Variants in PITRM1 observed in about 807,000 individuals in gnomAD.
PITRM1 encodes the protein presequence protease, mitochondrial.
A neutral mutation model predicts 129.9 loss-of-function variants in PITRM1; 100 were observed. The observed-to-expected ratio is 0.77, with a 90% CI of 0.65 to 0.91. PITRM1 has a LOEUF of 0.91. Among genes scored for constraint, PITRM1 ranks in the 40% least tolerant of loss-of-function variants. The probability of loss-of-function intolerance (pLI) is 0.00; values close to 1 mark genes in which losing one functional copy is unlikely to be tolerated. For synonymous variants in PITRM1, 591 were observed against 508.8 expected (o/e 1.16, Z -2.17); for missense variants, 1,471 against 1,318.3 (o/e 1.12, Z -1.79).
At chr10:3,168,593 C>T (rs925654175) in intron 2 of PITRM1, among the ~76,000 whole-genome samples, 7 of 147,098 alleles carry the variant, frequency 4.8e-5, no homozygotes, top group African/African-American at 1.9e-4. Flanking sequence ...AGGGCGGTTT[C>T]CTCCATGTTA....
At chr10:3,161,864 AAG>A (rs71903677) in intron 7 of PITRM1, among the ~76,000 whole-genome samples, 30,507 of 143,166 alleles carry the variant, frequency 0.21, 3,754 homozygotes, top group Non-Finnish European at 0.3. Flanking sequence ...AAAAAAAAAA[AAG>A]AAGAAAAGAA....
chr10:3,153,255 C>G (rs1841674021), intron 14 of PITRM1, among the ~76,000 whole-genome samples: 1 of 152,224 alleles, frequency 6.6e-6, no homozygotes, highest in African/African-American at 2.4e-5. Flanking sequence ...TAAAGCACAG[C>G]TCTGAGGCCA....
chr10:3,138,779 T>C (rs1477064992), intron 25 of PITRM1, 125 bp downstream of exon 25: 2 of 897,240 alleles, frequency 2.2e-6, no homozygotes. Context: ...GTGGAAATCG[T>C]ATCACAAGCA....
At chr10:3,151,434 G>T in intron 14 of PITRM1, 71 bp from the exon 15 acceptor site, 2 of 920,326 alleles carry the variant, frequency 2.2e-6, no homozygotes, top group South Asian at 1.4e-5. Flanking sequence ...TGTCTCCTAT[G>T]TTATTATCTT....
At chr10:3,163,482 C>G (rs1298215990) in intron 7 of PITRM1, 2 of 322,822 alleles carry the variant, frequency 6.2e-6, no homozygotes, top group Non-Finnish European at 1.1e-5. Flanking sequence ...CCAGGACCCT[C>G]CTCTGGGGGA....
chr10:3,163,637 G>T (rs1166561165), intron 7 of PITRM1, 88 bp downstream of exon 7: 2 of 1,112,818 alleles, frequency 1.8e-6, no homozygotes, highest in Non-Finnish European at 2.6e-6. Context: ...ATTGCTAAAT[G>T]TGAGAGAAGC....
At chr10:3,149,886 T>C (rs1841332599) in intron 15 of PITRM1, 133 bp from the exon 16 acceptor site, 2 of 943,380 alleles carry the variant, frequency 2.1e-6, no homozygotes, top group Admixed American at 2.4e-5. Context: ...TTTATATAAA[T>C]TTCCCAATCA....
Position 3,137,933 on chromosome 10 carries a change from A to G in PITRM1, c.*98T>C. The stretch of plus-strand genomic sequence containing the variant: ...AAGGGCTTTGGCGACACTCAATGAC[A>G]TAATATTCTTGGAAAAAGCAGTAGC... On this transcript the variant is annotated 3_prime_UTR_variant, in exon 27 of 27. Coordinates refer to ENST00000224949, the MANE Select transcript of PITRM1 (RefSeq NM_014889.4). 2 of 734,614 alleles carry G rather than the reference A, an allele frequency of 2.7e-6. No individual in the cohort carries two copies. The highest frequency in any genetic ancestry group is 1.8e-5 in the South Asian group (1 of 56,900). 45.5% of individuals were successfully genotyped at this position (734,614 alleles called of 1,614,324 possible).
intron 6 of PITRM1, among the ~76,000 whole-genome samples, chr10:3,164,544 T>A (rs1031836764): frequency 1.3e-5 from 2 of 152,182 alleles, no homozygotes; most frequent in Admixed American, 1.3e-4. Context: ...AGGACATAAA[T>A]AACTCCCACA....
chr10:3,150,521 C>T (rs116122531), intron 15 of PITRM1, among the ~76,000 whole-genome samples: 1,751 of 152,222 alleles, frequency 0.012, 22 homozygotes, highest in Middle Eastern at 0.058. Context: ...AAATCCCATC[C>T]CCGTCCTCAA....
intron 22 of PITRM1, 71 bp downstream of exon 22, chr10:3,144,221 C>A: frequency 2.4e-6 from 2 of 842,022 alleles, no homozygotes; most frequent in East Asian, 2.7e-5. Context: ...AACATTCGAA[C>A]ATCAGTGGCA....
intron 11 of PITRM1, 97 bp downstream of exon 11, chr10:3,157,943 G>T: frequency 1.3e-6 from 1 of 766,988 alleles, no homozygotes. Flanking sequence ...ATATGACAGA[G>T]AAGGAAGGCC....
chr10:3,171,537 G>A (rs531617116), intron 1 of PITRM1, among the ~76,000 whole-genome samples: 3 of 152,156 alleles, frequency 2.0e-5, no homozygotes, highest in African/African-American at 4.8e-5. Flanking sequence ...TCCACCTCCC[G>A]GGTTCAAGCA....
Position 3,166,375 on chromosome 10 carries a change from T to TGCACGCTAAGGAAGAGAGAGGAATG in PITRM1, c.271_272insCATTCCTCTCTCTTCCTTAGCGTGC (p.Gln91ProfsTer7). 7.1e-6 allele frequency: 10 copies of TGCACGCTAAGGAAGAGAGAGGAATG among 1,413,890 alleles called. No individual in the cohort carries two copies. The highest frequency in any genetic ancestry group is 2.9e-5 in the African/African-American group (2 of 68,338). The allele number at this position is 1,413,890 out of a possible 1,614,324, so 87.6% of individuals were successfully genotyped here. A position where few individuals can be genotyped will look rare whatever the true frequency, so the allele number is the denominator to read the frequency against. On this transcript the variant is annotated stop_gained and frameshift_variant, in exon 4 of 27. Coordinates refer to ENST00000224949, the MANE Select transcript of PITRM1 (RefSeq NM_014889.4). LOFTEE classifies it high-confidence loss of function. ...ACTGTCCATGGGAGTAGTACGGAAC[T>TGCACGCTAAGGAAGAGAGAGGAATG]GCACGCTAGGGAAGGAGAATGACCA...
chr10:3,170,137 T>C lies in PITRM1; in HGVS notation c.126A>G (p.Leu42=), dbSNP rs1238838855. 6.2e-7 allele frequency: 1 copy of C among 1,613,740 alleles called. No homozygotes were observed. The highest frequency in any genetic ancestry group is 1.3e-5 in the African/African-American group (1 of 74,918). ...RACERALQYK[L]GDKIHGFTVN... is the part of the protein sequence containing the mutation. ...CGGTGAATCCATGGATCTTGTCTCC[T>C]AGTTTATACTGCAGAGCCCTCTCAC... The change falls in exon 2 of 27, where the codon CTA becomes CTG. Residue 42 remains leucine, a synonymous_variant. Transcript: ENST00000224949.
chr10:3,172,316 C>CT lies in PITRM1; in HGVS notation c.56+400dup, dbSNP rs1015687474. On this transcript the variant is annotated intron_variant, in intron 1 of 26. Transcript: ENST00000224949. ...CGTCAGTTCTCTGAACACAGCGAGA[C>CT]TTTAAGTATGGGCTGTGGGCGCCTC... The CT allele has an allele frequency of 7.4e-5, 37 of 498,856 alleles. 1 individual carries two copies. The highest frequency in any genetic ancestry group is 1.3e-4 in the Non-Finnish European group (34 of 255,926). The allele number at this position is 498,856 out of a possible 1,614,324, so 30.9% of individuals were successfully genotyped here. A position where few individuals can be genotyped will look rare whatever the true frequency, so the allele number is the denominator to read the frequency against.
intron 22 of PITRM1, chr10:3,143,798 T>C: frequency 3.2e-6 from 2 of 630,410 alleles, no homozygotes; most frequent in Non-Finnish European, 6.0e-6. Flanking sequence ...AAACATTTCA[T>C]TCTACGCCGT....
intron 15 of PITRM1, among the ~76,000 whole-genome samples, 193 bp from the exon 16 acceptor site, chr10:3,149,946 T>C (rs1438773966): frequency 6.6e-6 from 1 of 152,066 alleles, no homozygotes; most frequent in Non-Finnish European, 1.5e-5. Context: ...AAGCAACCCG[T>C]GCTCTCCAAG....
At position 3,151,125 on chromosome 10, in the gene PITRM1, C is replaced by T. The variant is rs142060400; in HGVS notation, c.1738+122G>A. ...CGTGTAGAGCGAGACTATGAACGCA[C>T]AGGGCTGCTCAAGTGTTTCAGGGAA... On this transcript the variant is annotated intron_variant, in intron 15 of 26. Coordinates refer to ENST00000224949, the MANE Select transcript of PITRM1 (RefSeq NM_014889.4). 2.8e-5 allele frequency: 19 copies of T among 670,742 alleles called. No homozygotes were observed. In the African/African-American group the frequency reaches 3.1e-4, roughly 11 times the overall value. 41.5% of individuals were successfully genotyped at this position (670,742 alleles called of 1,614,324 possible). A position where few individuals can be genotyped will look rare whatever the true frequency, so the allele number is the denominator to read the frequency against.
Sources: gnomAD v4.1 joint callset for allele counts (sites outside exome capture counted in the v4.1 genomes callset) on GRCh38, gnomAD v4.1.1 for gene constraint, MANE v1.5 for transcripts, NCBI Gene and HGNC (gene_info 2026-07-23, HGNC 2026-07-21) for gene names.